The following CTNNA2 variants were observed in gnomAD, a reference collection of about 807,000 sequenced individuals.
CTNNA2 encodes catenin alpha 2.
A neutral mutation model predicts 101.0 loss-of-function variants in CTNNA2; 42 were observed. The observed-to-expected ratio is 0.42, with a 90% CI of 0.32 to 0.54. The LOEUF (loss-of-function observed/expected upper bound fraction) is 0.54. Ranked by LOEUF, CTNNA2 falls within the 20% of genes least tolerant of loss-of-function variation. The probability of loss-of-function intolerance (pLI) is 0.14; values close to 1 mark genes in which losing one functional copy is unlikely to be tolerated. For missense variants in CTNNA2, 871 were observed against 1,223.1 expected (o/e 0.71, Z 4.29); for synonymous variants, 450 against 456.4 (o/e 0.99, Z 0.18).
At chr2:79,728,759 G>A (rs1177066164) in intron 2 of CTNNA2, among the ~76,000 whole-genome samples, 4 of 152,148 alleles carry the variant, frequency 2.6e-5, no homozygotes, top group Non-Finnish European at 4.4e-5. Context: ...TGTATAAGGT[G>A]TAAGGAAGGG....
At chr2:80,567,548 A>G (rs759673670) in intron 12 of CTNNA2, among the ~76,000 whole-genome samples, 1 of 152,086 alleles carries the variant, frequency 6.6e-6, no homozygotes. Flanking sequence ...TCTGTCATCT[A>G]ATTAGGGGGC....
intron 2 of CTNNA2, among the ~76,000 whole-genome samples, chr2:79,220,978 A>G (rs570861000): frequency 4.9e-4 from 75 of 152,350 alleles, no homozygotes; most frequent in African/African-American, 1.8e-3. Flanking sequence ...ATGTTTCTCA[A>G]AATGCTGCTT....
chr2:79,370,616 C>A (rs1369313326), intron 3 of CTNNA2, among the ~76,000 whole-genome samples: 1 of 151,492 alleles, frequency 6.6e-6, no homozygotes, highest in Admixed American at 6.6e-5. Flanking sequence ...TTTTTTAAAG[C>A]AATGATCTTA....
At chr2:80,177,998 G>A (rs1195303499) in intron 7 of CTNNA2, among the ~76,000 whole-genome samples, 1 of 152,224 alleles carries the variant, frequency 6.6e-6, no homozygotes, top group Non-Finnish European at 1.5e-5. Flanking sequence ...TGCTGCAGCT[G>A]TCCACTTTCA....
At chr2:79,727,119 A>C (rs1437981724) in intron 2 of CTNNA2, among the ~76,000 whole-genome samples, 1 of 152,242 alleles carries the variant, frequency 6.6e-6, no homozygotes, top group Non-Finnish European at 1.5e-5. Context: ...CTTTAATTTG[A>C]AAAATTGTTT....
At chr2:79,310,426 T>C (rs1291036170) in intron 2 of CTNNA2, among the ~76,000 whole-genome samples, 2 of 152,224 alleles carry the variant, frequency 1.3e-5, no homozygotes, top group East Asian at 1.9e-4. Flanking sequence ...ATGCTTTTCC[T>C]ACATACATTT....
At chr2:79,761,418 G>A (rs1028190322) in intron 3 of CTNNA2, among the ~76,000 whole-genome samples, 1 of 152,178 alleles carries the variant, frequency 6.6e-6, no homozygotes, top group Non-Finnish European at 1.5e-5. Flanking sequence ...GTAAGTCAAT[G>A]CATATTATTG....
chr2:80,331,598 C>T (rs973938196), intron 7 of CTNNA2, among the ~76,000 whole-genome samples: 1 of 152,142 alleles, frequency 6.6e-6, no homozygotes, highest in African/African-American at 2.4e-5. Flanking sequence ...CCACTATGCT[C>T]ACATCCTCTC....
At chr2:79,240,393 T>C (rs1475867558) in intron 2 of CTNNA2, among the ~76,000 whole-genome samples, 1 of 152,014 alleles carries the variant, frequency 6.6e-6, no homozygotes, top group Non-Finnish European at 1.5e-5. Flanking sequence ...TCAAGGTAAG[T>C]CCCAGTGTCT....
chr2:80,565,889 G>C (rs1694015123), intron 12 of CTNNA2, among the ~76,000 whole-genome samples: 1 of 152,064 alleles, frequency 6.6e-6, no homozygotes, highest in African/African-American at 2.4e-5. Flanking sequence ...CATTATTTCT[G>C]TTTTATACTG....
chr2:80,557,055 A>C lies in CTNNA2; in HGVS notation c.1741+1162A>C, dbSNP rs187455399. On this transcript the variant is annotated intron_variant, in intron 12 of 18. Transcript: ENST00000402739. ...TATTTGTTAGCCTGGAATAGCAAGT[A>C]AAACACAATACATAAACACAGGTAT... is the stretch of plus-strand genomic sequence containing the variant. 6.4e-3 allele frequency among the ~76,000 whole-genome samples: 982 copies of C among 152,364 alleles called. 9 individuals are homozygous for C. Among genetic ancestry groups the C allele is most frequent in the Non-Finnish European group, 8.8e-3 (601 of 68,036 alleles).
At chr2:79,813,778 A>G (rs1235767178) in intron 3 of CTNNA2, among the ~76,000 whole-genome samples, 1 of 152,052 alleles carries the variant, frequency 6.6e-6, no homozygotes, top group East Asian at 1.9e-4. Flanking sequence ...AAAAAAGCAC[A>G]CTCTTATAAA....
At position 79,814,636 on chromosome 2, in the gene CTNNA2, C is replaced by CATAT. The variant is rs1297903530; in HGVS notation, c.299-43376_299-43375insTATA. 1.3e-3 allele frequency among the ~76,000 whole-genome samples: 160 copies of CATAT among 120,946 alleles called. 1 individual carries two copies. The highest frequency in any genetic ancestry group is 5.6e-3 in the African/African-American group (153 of 27,230). 79.3% of individuals were successfully genotyped at this position (120,946 alleles called of 152,430 possible). On this transcript the variant is annotated intron_variant, in intron 3 of 18. Coordinates refer to ENST00000402739, the MANE Select transcript of CTNNA2 (RefSeq NM_001282597.3). The stretch of plus-strand genomic sequence containing the variant: ...ACACACACACACACACACACACACA[C>CATAT]ACATATATATATATATCACAGTTTC...
At chr2:79,828,113 A>C (rs890111232) in intron 3 of CTNNA2, among the ~76,000 whole-genome samples, 11 of 152,210 alleles carry the variant, frequency 7.2e-5, no homozygotes, top group Admixed American at 5.9e-4. Context: ...GTTAAAGGAA[A>C]GCAATGAGAA....
chr2:79,802,624 G>A (rs1676254212), intron 3 of CTNNA2, among the ~76,000 whole-genome samples: 2 of 152,218 alleles, frequency 1.3e-5, no homozygotes, highest in South Asian at 4.1e-4. Flanking sequence ...CCTTTCAGGA[G>A]TAGTTGTAGA....
chr2:80,537,761 T>C (rs1469725978), intron 9 of CTNNA2, among the ~76,000 whole-genome samples: 3 of 152,016 alleles, frequency 2.0e-5, no homozygotes, highest in African/African-American at 7.2e-5. Flanking sequence ...ACCTGGCTAA[T>C]TTAGTATTTT....
At chr2:80,456,147 G>C (rs1171372391) in intron 9 of CTNNA2, among the ~76,000 whole-genome samples, 1 of 152,170 alleles carries the variant, frequency 6.6e-6, no homozygotes, top group African/African-American at 2.4e-5. Context: ...ATCTCCTTCA[G>C]TTACTGGTCT....
chr2:79,401,800 C>A (rs1573148415), intron 4 of CTNNA2, among the ~76,000 whole-genome samples: 1 of 151,160 alleles, frequency 6.6e-6, no homozygotes, highest in South Asian at 2.1e-4. Flanking sequence ...ACACTTTATT[C>A]AAAAGAAAAT....
intron 13 of CTNNA2, among the ~76,000 whole-genome samples, chr2:80,580,475 C>T (rs1239157983): frequency 6.6e-6 from 1 of 152,132 alleles, no homozygotes; most frequent in Non-Finnish European, 1.5e-5. Context: ...GAGTCAGACA[C>T]ACCTGGGTGT....
Sources: allele counts gnomAD v4.1 joint callset (sites outside exome capture counted in the v4.1 genomes callset), GRCh38; gene constraint gnomAD v4.1.1; transcripts MANE v1.5; gene names NCBI Gene and HGNC (gene_info 2026-07-23, HGNC 2026-07-21).